The following SPAG16 variants were observed in gnomAD, a reference collection of about 807,000 sequenced individuals.
The protein encoded by SPAG16 is sperm-associated antigen 16 protein.
SPAG16 carries 86 observed loss-of-function variants against 80.4 expected under a neutral mutation model. That is an observed-to-expected ratio of 1.07 (90% CI 0.90 to 1.28). SPAG16 has a LOEUF of 1.28. SPAG16 is among the 50% of genes most tolerant of loss of function. The probability of loss-of-function intolerance (pLI) is 0.00; values close to 1 mark genes in which losing one functional copy is unlikely to be tolerated. For missense variants in SPAG16, 870 were observed against 765.3 expected, an observed-to-expected ratio of 1.14 and a Z score of -1.61; for synonymous variants, 294 against 265.9, an observed-to-expected ratio of 1.11 and a Z score of -1.03.
intron 11 of SPAG16, among the ~76,000 whole-genome samples, chr2:213,872,985 AT>A (rs2076009329): frequency 6.6e-6 from 1 of 151,796 alleles, no homozygotes; most frequent in African/African-American, 2.4e-5. Flanking sequence ...GTGTATTAGT[AT>A]TTTCTTGATG....
intron 15 of SPAG16, among the ~76,000 whole-genome samples, chr2:214,320,327 C>T (rs1265134800): frequency 1.3e-5 from 2 of 152,118 alleles, no homozygotes; most frequent in African/African-American, 4.8e-5. Flanking sequence ...TCTTGTACTC[C>T]TACATATGGG....
At chr2:213,654,951 A>G (rs1473698168) in intron 10 of SPAG16, among the ~76,000 whole-genome samples, 1 of 152,240 alleles carries the variant, frequency 6.6e-6, no homozygotes, top group Non-Finnish European at 1.5e-5. Context: ...TTTGATGTTC[A>G]TAGTGATTAC....
intron 10 of SPAG16, among the ~76,000 whole-genome samples, chr2:213,708,155 T>C (rs1274075244): frequency 2.0e-5 from 3 of 152,172 alleles, no homozygotes; most frequent in Non-Finnish European, 4.4e-5. Flanking sequence ...GTTTTAAAGA[T>C]GAACAAAATA....
intron 9 of SPAG16, among the ~76,000 whole-genome samples, chr2:213,403,643 G>T (rs1356406700): frequency 6.6e-6 from 1 of 152,164 alleles, no homozygotes; most frequent in Admixed American, 6.5e-5. Flanking sequence ...TTGAAAATGG[G>T]CACAAGACAG....
At chr2:214,075,391 C>G (rs2051023698) in intron 13 of SPAG16, among the ~76,000 whole-genome samples, 1 of 151,788 alleles carries the variant, frequency 6.6e-6, no homozygotes, top group African/African-American at 2.4e-5. Context: ...AAATTAAAAA[C>G]TTTATTGATA....
intron 15 of SPAG16, among the ~76,000 whole-genome samples, chr2:214,226,404 A>C (rs1428079720): frequency 6.6e-6 from 1 of 152,134 alleles, no homozygotes; most frequent in Non-Finnish European, 1.5e-5. Context: ...TGTGGGGGTA[A>C]AAGGTCTCTG....
chr2:214,266,984 T>C (rs545339156), intron 15 of SPAG16, among the ~76,000 whole-genome samples: 1 of 151,884 alleles, frequency 6.6e-6, no homozygotes, highest in Non-Finnish European at 1.5e-5. Flanking sequence ...ATTGAAAGAA[T>C]TAATATTGTT....
chr2:214,272,358 C>A (rs796219803), intron 15 of SPAG16, among the ~76,000 whole-genome samples: 52 of 152,114 alleles, frequency 3.4e-4, no homozygotes, highest in African/African-American at 1.2e-3. Context: ...AGGTTTGTTA[C>A]ATAGGTATAC....
rs747802708 is a variant in SPAG16, at chr2:214,250,753, T to TAGAGAGAG, written c.1720+101488_1720+101489insGAGAGAGA. 7.9e-3 allele frequency among the ~76,000 whole-genome samples: 788 copies of TAGAGAGAG among 99,334 alleles called. 3 individuals carry two copies. Among genetic ancestry groups the TAGAGAGAG allele is most frequent in the Non-Finnish European group, 0.012 (571 of 49,590 alleles). 65.2% of individuals were successfully genotyped at this position (99,334 alleles called of 152,430 possible). The stretch of plus-strand genomic sequence containing the variant: ...TTTGAGATATATATATATATATATA[T>TAGAGAGAG]ATATAGAGAGAGAGAGAGAGAGAGA... On this transcript the variant is annotated intron_variant, in intron 15 of 15. Coordinates refer to ENST00000331683, the MANE Select transcript of SPAG16 (RefSeq NM_024532.5).
intron 7 of SPAG16, among the ~76,000 whole-genome samples, chr2:213,352,012 G>A (rs2065356504): frequency 6.6e-6 from 1 of 151,986 alleles, no homozygotes; most frequent in Non-Finnish European, 1.5e-5. Flanking sequence ...AGTCTCAAGA[G>A]ATCTGGTGGT....
intron 14 of SPAG16, among the ~76,000 whole-genome samples, chr2:214,112,804 G>T (rs1017797076): frequency 2.6e-5 from 4 of 151,880 alleles, no homozygotes; most frequent in Non-Finnish European, 5.9e-5. Flanking sequence ...TTTAATTGGG[G>T]CATATGGCCC....
rs141441763 is a variant in SPAG16, at chr2:213,880,014, T to G, written c.1214+17386T>G. Among the ~76,000 whole-genome samples, 23 of 152,328 alleles carry G rather than the reference T, an allele frequency of 1.5e-4. No individual in the cohort carries two copies. In the East Asian group the frequency reaches 4.2e-3, roughly 28 times the overall value. Reference sequence around the variant, plus strand: ...GGTATATACCCAGTAATAAGATAGCTAGGTCAAATGGTAGCTCTGTTTTAA... The same window carrying G: ...GGTATATACCCAGTAATAAGATAGCGAGGTCAAATGGTAGCTCTGTTTTAA... On this transcript the variant is annotated intron_variant, in intron 11 of 15. Coordinates refer to ENST00000331683, the MANE Select transcript of SPAG16 (RefSeq NM_024532.5).
At chr2:213,295,272 G>C (rs2062453091) in intron 1 of SPAG16, among the ~76,000 whole-genome samples, 2 of 151,986 alleles carry the variant, frequency 1.3e-5, no homozygotes, top group African/African-American at 4.8e-5. Context: ...AAGCATTGCT[G>C]GTGTGTGCTG....
intron 13 of SPAG16, among the ~76,000 whole-genome samples, chr2:214,039,895 C>T (rs991823670): frequency 3.9e-5 from 6 of 152,006 alleles, no homozygotes; most frequent in African/African-American, 4.8e-5. Flanking sequence ...TTTGGGTGAG[C>T]GGTGGGGGTG....
chr2:214,097,009 T>A lies in SPAG16; in HGVS notation c.1528-11187T>A, dbSNP rs191442610. Among the ~76,000 whole-genome samples, 10 of 152,180 alleles carry A rather than the reference T, an allele frequency of 6.6e-5. No homozygotes were observed. The East Asian group carries it at 1.7e-3, about 26-fold the overall frequency. Reference sequence around the variant, plus strand: ...TTTTCACAAATATGTTTTTGAGAATTTCCAGAATATATGAAATGTTATATA... The same window carrying A: ...TTTTCACAAATATGTTTTTGAGAATATCCAGAATATATGAAATGTTATATA... On this transcript the variant is annotated intron_variant, in intron 13 of 15. Coordinates refer to ENST00000331683, the MANE Select transcript of SPAG16 (RefSeq NM_024532.5).
chr2:214,164,748 C>G (rs189461208), intron 15 of SPAG16, among the ~76,000 whole-genome samples: 102 of 152,128 alleles, frequency 6.7e-4, no homozygotes, highest in African/African-American at 2.4e-3. Context: ...AAAGAACAAC[C>G]AATGAATTTG....
chr2:214,313,125 A>T (rs961699261), intron 15 of SPAG16, among the ~76,000 whole-genome samples: 2 of 150,872 alleles, frequency 1.3e-5, no homozygotes, highest in Non-Finnish European at 3.0e-5. Flanking sequence ...AAAATACTTT[A>T]AAAAAAAACA....
chr2:213,806,624 C>T (rs1243422494), intron 10 of SPAG16, among the ~76,000 whole-genome samples: 1 of 151,928 alleles, frequency 6.6e-6, no homozygotes, highest in Non-Finnish European at 1.5e-5. Flanking sequence ...ATTAATAATT[C>T]CTATATCTTC....
intron 10 of SPAG16, among the ~76,000 whole-genome samples, chr2:213,818,435 C>T (rs922993283): frequency 6.6e-6 from 1 of 152,192 alleles, no homozygotes; most frequent in Non-Finnish European, 1.5e-5. Context: ...AAGTCTCTCA[C>T]TTTCCTGTCC....
Sources: allele counts gnomAD v4.1 joint callset (sites outside exome capture counted in the v4.1 genomes callset), GRCh38; gene constraint gnomAD v4.1.1; transcripts MANE v1.5; gene names NCBI Gene and HGNC (gene_info 2026-07-23, HGNC 2026-07-21).